Variants in ZSWIM6 observed in about 807,000 individuals in gnomAD.
ZSWIM6 encodes zinc finger SWIM-type containing 6, also known as zinc finger SWIM domain-containing protein 6.
ZSWIM6 carries 9 observed loss-of-function variants against 113.2 expected under a neutral mutation model. The observed-to-expected ratio is 0.08, with a 90% CI of 0.05 to 0.14. The LOEUF (loss-of-function observed/expected upper bound fraction) is 0.14. Among genes scored for constraint, ZSWIM6 ranks in the 10% least tolerant of loss-of-function variants. The probability of loss-of-function intolerance (pLI) is 1.00; values close to 1 mark genes in which losing one functional copy is unlikely to be tolerated. For missense variants in ZSWIM6, 1,162 were observed against 1,552.2 expected, an observed-to-expected ratio of 0.75 and a Z score of 4.22; for synonymous variants, 611 against 606.5, an observed-to-expected ratio of 1.01 and a Z score of -0.11.
chr5:61,393,735 C>CAAAAAA (rs5868274), intron 1 of ZSWIM6, among the ~76,000 whole-genome samples: 1 of 139,728 alleles, frequency 7.2e-6, no homozygotes, highest in Non-Finnish European at 1.6e-5. Context: ...GAAACTATCT[C>CAAAAAA]AAAAAAAAAA....
Position 61,375,362 on chromosome 5 carries a change from G to A in ZSWIM6, c.676+42414G>A, listed in dbSNP as rs377028830. On this transcript the variant is annotated intron_variant, in intron 1 of 13. Coordinates refer to ENST00000252744, the MANE Select transcript of ZSWIM6 (RefSeq NM_020928.2). ...CACAGAGAGAAATTGTTAAGTGGAA[G>A]TGAGAGCTCATCCAAAAAAAGACAG... The A allele has an allele frequency of 5.3e-5, 85 of 1,597,932 alleles. No homozygotes were observed. In the African/African-American group the frequency reaches 1.0e-3, roughly 20 times the overall value.
chr5:61,352,096 C>A (rs532480278), intron 1 of ZSWIM6, among the ~76,000 whole-genome samples: 2 of 152,298 alleles, frequency 1.3e-5, no homozygotes, highest in Admixed American at 1.3e-4. Flanking sequence ...GCACAATGTC[C>A]TCTCCTGCCT....
intron 1 of ZSWIM6, among the ~76,000 whole-genome samples, chr5:61,385,586 T>C (rs1276758912): frequency 6.6e-6 from 1 of 152,250 alleles, no homozygotes; most frequent in Non-Finnish European, 1.5e-5. Context: ...GTTTCTAGTA[T>C]CTTGGCCCCT....
chr5:61,402,973 T>C (rs1022242676), intron 1 of ZSWIM6, among the ~76,000 whole-genome samples: 1 of 152,258 alleles, frequency 6.6e-6, no homozygotes, highest in Admixed American at 6.5e-5. Flanking sequence ...TCTGCTCTTA[T>C]GTTGTACACT....
chr5:61,520,151 T>A (rs537166780), intron 4 of ZSWIM6, among the ~76,000 whole-genome samples: 6 of 152,310 alleles, frequency 3.9e-5, no homozygotes, highest in South Asian at 4.1e-4. Context: ...TTATTTTTAA[T>A]GAGGAAGAAT....
intron 9 of ZSWIM6, 107 bp from the exon 10 acceptor site, chr5:61,535,377 C>T: frequency 7.7e-7 from 1 of 1,302,274 alleles, no homozygotes; most frequent in Non-Finnish European, 1.1e-6. Flanking sequence ...ACTTGAAATT[C>T]TTATTTGTAT....
chr5:61,513,655 A>G (rs967825368), intron 4 of ZSWIM6, among the ~76,000 whole-genome samples: 1 of 152,062 alleles, frequency 6.6e-6, no homozygotes, highest in Non-Finnish European at 1.5e-5. Flanking sequence ...TTTATAAAGT[A>G]TATAATATGG....
chr5:61,413,611 A>G (rs1746189208), intron 1 of ZSWIM6, among the ~76,000 whole-genome samples: 1 of 152,080 alleles, frequency 6.6e-6, no homozygotes, highest in Non-Finnish European at 1.5e-5. Context: ...GACTTCCACA[A>G]TGGTTGAACT....
intron 4 of ZSWIM6, among the ~76,000 whole-genome samples, chr5:61,513,189 CT>C (rs1748835958): frequency 6.6e-6 from 1 of 152,070 alleles, no homozygotes; most frequent in African/African-American, 2.4e-5. Context: ...ATAGTTTTCT[CT>C]TTTCCAGAAT....
intron 1 of ZSWIM6, among the ~76,000 whole-genome samples, chr5:61,376,897 C>T (rs1745383938): frequency 6.8e-6 from 1 of 148,030 alleles, no homozygotes; most frequent in South Asian, 2.1e-4. Flanking sequence ...AGATATTTAG[C>T]ATGTAAAAAG....
At chr5:61,505,954 G>T (rs1748607782) in intron 4 of ZSWIM6, among the ~76,000 whole-genome samples, 1 of 151,624 alleles carries the variant, frequency 6.6e-6, no homozygotes, top group Admixed American at 6.6e-5. Flanking sequence ...CACCATGTTA[G>T]CTAGGATGGT....
chr5:61,438,702 C>T (rs1445764781), intron 1 of ZSWIM6, among the ~76,000 whole-genome samples: 2 of 152,126 alleles, frequency 1.3e-5, no homozygotes, highest in Non-Finnish European at 2.9e-5. Context: ...CTGAAATTGA[C>T]ATGTAAAATA....
chr5:61,391,597 A>C (rs1452272905), intron 1 of ZSWIM6: 4 of 911,546 alleles, frequency 4.4e-6, no homozygotes, highest in Non-Finnish European at 5.6e-6. Flanking sequence ...GGTTTCCACG[A>C]AGCCCACAAT....
chr5:61,454,526 T>C (rs1433467363), intron 1 of ZSWIM6, among the ~76,000 whole-genome samples: 1 of 151,716 alleles, frequency 6.6e-6, no homozygotes, highest in Non-Finnish European at 1.5e-5. Flanking sequence ...TCCTCCCAAA[T>C]TGCTCGGATT....
chr5:61,392,001 T>A (rs1745727467), intron 1 of ZSWIM6: 1 of 410,606 alleles, frequency 2.4e-6, no homozygotes, highest in Non-Finnish European at 4.4e-6. Flanking sequence ...CCTTCAAGAT[T>A]GTATTTCCCT....
Position 61,483,890 on chromosome 5 carries a change from T to C in ZSWIM6, c.1034-6896T>C, listed in dbSNP as rs566194362. ...AGACTCTGTCTCAAAAATAAATAAA[T>C]AAATAAATAAAATAAAATAAATATA... On this transcript the variant is annotated intron_variant, in intron 2 of 13. Coordinates refer to ENST00000252744, the MANE Select transcript of ZSWIM6 (RefSeq NM_020928.2). Among the ~76,000 whole-genome samples, 621 of 149,834 alleles carry C rather than the reference T, an allele frequency of 4.1e-3. 2 individuals are homozygous for C. The highest frequency in any genetic ancestry group is 7.2e-3 in the Non-Finnish European group (486 of 67,518).
chr5:61,429,116 G>A (rs1746526138), intron 1 of ZSWIM6, among the ~76,000 whole-genome samples: 1 of 152,180 alleles, frequency 6.6e-6, no homozygotes, highest in African/African-American at 2.4e-5. Flanking sequence ...TGTGTTGGGG[G>A]GACAGTCAAG....
chr5:61,467,518 A>G (rs1747461048), intron 1 of ZSWIM6, among the ~76,000 whole-genome samples: 1 of 152,238 alleles, frequency 6.6e-6, no homozygotes, highest in Admixed American at 6.5e-5. Context: ...TAAAGGGTTA[A>G]TAATGTCTAG....
chr5:61,522,796 A>G (rs567674663), intron 5 of ZSWIM6, among the ~76,000 whole-genome samples: 3 of 152,370 alleles, frequency 2.0e-5, no homozygotes, highest in East Asian at 3.9e-4. Flanking sequence ...AGGAAAGGGT[A>G]TGCCTACATC....
Sources: allele counts gnomAD v4.1 joint callset (sites outside exome capture counted in the v4.1 genomes callset), GRCh38; gene constraint gnomAD v4.1.1; transcripts MANE v1.5; gene names NCBI Gene and HGNC (gene_info 2026-07-23, HGNC 2026-07-21).